Variants in BNC2 observed in about 807,000 individuals in gnomAD.
BNC2 encodes the protein basonuclin zinc finger protein 2, also known as zinc finger protein basonuclin-2.
A neutral mutation model predicts 76.3 loss-of-function variants in BNC2; 20 were observed. The ratio of observed to expected loss-of-function variants is 0.26; its 90% confidence interval spans 0.18 to 0.38. The LOEUF (loss-of-function observed/expected upper bound fraction) is 0.38. Ranked by LOEUF, BNC2 falls within the 10% of genes least tolerant of loss-of-function variation. BNC2 has a pLI of 1.00. For synonymous variants in BNC2, 582 were observed against 514.8 expected (o/e 1.13, Z -1.77); for missense variants, 1,382 against 1,399.8 (o/e 0.99, Z 0.20).
At chr9:16,675,001 T>G (rs1249127329) in intron 3 of BNC2, among the ~76,000 whole-genome samples, 1 of 152,096 alleles carries the variant, frequency 6.6e-6, no homozygotes, top group African/African-American at 2.4e-5. Flanking sequence ...ACTAGAAAAG[T>G]AGAAGGGAAA....
chr9:16,557,819 C>A (rs1818883466), intron 4 of BNC2, among the ~76,000 whole-genome samples: 1 of 151,756 alleles, frequency 6.6e-6, no homozygotes, highest in African/African-American at 2.4e-5. Context: ...CCCTTACACT[C>A]AACACCAGTA....
intron 5 of BNC2, among the ~76,000 whole-genome samples, chr9:16,541,170 C>G (rs1014206873): frequency 3.3e-5 from 5 of 152,178 alleles, no homozygotes; most frequent in Non-Finnish European, 5.9e-5. Context: ...ACACACTGAC[C>G]TTTTCACCTA....
At chr9:16,677,041 A>G (rs1269244248) in intron 3 of BNC2, among the ~76,000 whole-genome samples, 1 of 152,180 alleles carries the variant, frequency 6.6e-6, no homozygotes, top group East Asian at 1.9e-4. Context: ...TTTTAGGTAA[A>G]TAATATTTAA....
intron 1 of BNC2, among the ~76,000 whole-genome samples, chr9:16,830,656 T>A (rs1818559255): frequency 6.6e-6 from 1 of 152,236 alleles, no homozygotes; most frequent in South Asian, 2.1e-4. Flanking sequence ...TTACAAATCT[T>A]GTTTCCATTT....
At chr9:16,791,103 C>G (rs994002362) in intron 1 of BNC2, among the ~76,000 whole-genome samples, 5 of 152,046 alleles carry the variant, frequency 3.3e-5, no homozygotes, top group African/African-American at 1.2e-4. Flanking sequence ...ACACTGTCGC[C>G]CAGGCTAGAG....
chr9:16,591,524 G>T (rs1027511513), intron 3 of BNC2, among the ~76,000 whole-genome samples: 3 of 152,042 alleles, frequency 2.0e-5, no homozygotes, highest in African/African-American at 7.2e-5. Flanking sequence ...TAGTAAGGTG[G>T]GTATGTTTTC....
intron 1 of BNC2, among the ~76,000 whole-genome samples, chr9:16,860,784 A>C (rs914472746): frequency 6.6e-6 from 1 of 152,142 alleles, no homozygotes; most frequent in Middle Eastern, 3.2e-3. Flanking sequence ...GGCTCATGCC[A>C]GTAATCCCAG....
chr9:16,433,035 A>G (rs1262953690), intron 6 of BNC2, among the ~76,000 whole-genome samples: 4 of 152,308 alleles, frequency 2.6e-5, no homozygotes, highest in Middle Eastern at 3.4e-3. Context: ...CAGGAATACA[A>G]TTATGTTTCA....
At chr9:16,677,270 T>C (rs1822671297) in intron 3 of BNC2, among the ~76,000 whole-genome samples, 1 of 152,126 alleles carries the variant, frequency 6.6e-6, no homozygotes, top group Non-Finnish European at 1.5e-5. Flanking sequence ...TAAAATAAAA[T>C]TTAAAGATAA....
At chr9:16,819,276 T>C (rs112243217) in intron 1 of BNC2, among the ~76,000 whole-genome samples, 4,518 of 152,286 alleles carry the variant, frequency 0.03, 212 homozygotes, top group African/African-American at 0.1. Flanking sequence ...AAAATACTAG[T>C]TGGAAATGTG....
At chr9:16,693,169 G>C (rs1359160362) in intron 3 of BNC2, among the ~76,000 whole-genome samples, 1 of 151,366 alleles carries the variant, frequency 6.6e-6, no homozygotes, top group Non-Finnish European at 1.5e-5. Flanking sequence ...GGGGGATGAG[G>C]GGGTGAGAGT....
At chr9:16,679,992 C>G (rs956512356) in intron 3 of BNC2, among the ~76,000 whole-genome samples, 6 of 152,168 alleles carry the variant, frequency 3.9e-5, no homozygotes, top group African/African-American at 1.4e-4. Context: ...AATTTTGTTT[C>G]GCATAGGGGG....
intron 1 of BNC2, among the ~76,000 whole-genome samples, chr9:16,837,916 GAA>G (rs1291761771): frequency 1.3e-5 from 2 of 151,682 alleles, no homozygotes; most frequent in African/African-American, 4.8e-5. Flanking sequence ...CAACAAGAGT[GAA>G]ACTCTGTCTA....
intron 3 of BNC2, among the ~76,000 whole-genome samples, chr9:16,671,215 ACT>A (rs2134179212): frequency 6.6e-6 from 1 of 152,050 alleles, no homozygotes; most frequent in African/African-American, 2.4e-5. Context: ...CATGCAAGTC[ACT>A]CTCTCAACTG....
chr9:16,699,084 G>A, intron 3 of BNC2: 1 of 419,316 alleles, frequency 2.4e-6, no homozygotes, highest in Middle Eastern at 3.8e-4. Context: ...GTTACTTTTG[G>A]TTTGGGTAGT....
At chr9:16,862,313 T>A (rs766104989) in intron 1 of BNC2, among the ~76,000 whole-genome samples, 66 of 152,230 alleles carry the variant, frequency 4.3e-4, no homozygotes, top group African/African-American at 1.5e-3. Flanking sequence ...AAATGGAATA[T>A]TAATGTACAT....
intron 3 of BNC2, among the ~76,000 whole-genome samples, chr9:16,606,595 C>T (rs946752869): frequency 6.6e-6 from 1 of 150,402 alleles, no homozygotes; most frequent in African/African-American, 2.5e-5. Context: ...TGAAGTGGCG[C>T]AATCTCAGCT....
chr9:16,757,863 C>T (rs1825432882), intron 1 of BNC2, among the ~76,000 whole-genome samples: 1 of 152,172 alleles, frequency 6.6e-6, no homozygotes, highest in East Asian at 1.9e-4. Flanking sequence ...TGTTCCTTTA[C>T]AGTATTTAGA....
At chr9:16,630,607 T>C (rs1028023890) in intron 3 of BNC2, among the ~76,000 whole-genome samples, 1 of 152,186 alleles carries the variant, frequency 6.6e-6, no homozygotes, top group Non-Finnish European at 1.5e-5. Context: ...AAACTACACA[T>C]AGGAAAAATA....
Sources: allele counts gnomAD v4.1 joint callset (sites outside exome capture counted in the v4.1 genomes callset), GRCh38; gene constraint gnomAD v4.1.1; transcripts MANE v1.5; gene names NCBI Gene and HGNC (gene_info 2026-07-23, HGNC 2026-07-21).